The following DUSP16 variants were observed in gnomAD, a reference collection of about 807,000 sequenced individuals.
DUSP16 encodes the protein dual specificity phosphatase 16.
DUSP16 carries 21 observed loss-of-function variants against 58.3 expected under a neutral mutation model. The observed-to-expected ratio is 0.36, with a 90% CI of 0.26 to 0.52. The LOEUF is 0.52. Ranked by LOEUF, DUSP16 falls within the 20% of genes least tolerant of loss-of-function variation. DUSP16 has a pLI of 0.94. For missense variants in DUSP16, 726 were observed against 819.0 expected, an observed-to-expected ratio of 0.89 and a Z score of 1.39; for synonymous variants, 320 against 323.8, an observed-to-expected ratio of 0.99 and a Z score of 0.12.
intron 4 of DUSP16, among the ~76,000 whole-genome samples, chr12:12,494,378 T>A (rs1943800769): frequency 6.6e-6 from 1 of 152,200 alleles, no homozygotes; most frequent in Non-Finnish European, 1.5e-5. Context: ...ACCAAGGGCT[T>A]ACTATGCATC....
intron 1 of DUSP16, among the ~76,000 whole-genome samples, chr12:12,537,696 T>C (rs897658976): frequency 6.6e-6 from 1 of 152,216 alleles, no homozygotes; most frequent in African/African-American, 2.4e-5. Context: ...GGACAGATTA[T>C]GAAATACATT....
chr12:12,515,824 AG>A (rs1442432341), intron 3 of DUSP16, among the ~76,000 whole-genome samples: 10 of 151,050 alleles, frequency 6.6e-5, no homozygotes, highest in Admixed American at 6.6e-4. Flanking sequence ...TGCCTACACC[AG>A]GGTGCAGTGA....
intron 3 of DUSP16, among the ~76,000 whole-genome samples, chr12:12,512,565 G>C (rs1210254024): frequency 6.6e-6 from 1 of 152,152 alleles, no homozygotes; most frequent in Non-Finnish European, 1.5e-5. Flanking sequence ...GTGATACCAT[G>C]CAGTATTTGT....
At chr12:12,486,995 C>A (rs745348632) in intron 5 of DUSP16, 33 bp downstream of exon 5, 23 of 1,611,276 alleles carry the variant, frequency 1.4e-5, no homozygotes, top group Non-Finnish European at 1.9e-5. Context: ...GACGATCACC[C>A]ACAGGACCTG....
chr12:12,539,256 T>C (rs1944515046), intron 1 of DUSP16, among the ~76,000 whole-genome samples: 1 of 152,230 alleles, frequency 6.6e-6, no homozygotes, highest in African/African-American at 2.4e-5. Flanking sequence ...CTGAATATTT[T>C]ATTATGTAAG....
At chr12:12,532,138 C>T (rs181955205) in intron 1 of DUSP16, among the ~76,000 whole-genome samples, 1 of 151,904 alleles carries the variant, frequency 6.6e-6, no homozygotes. Flanking sequence ...GCAGTCCGGC[C>T]TGGGCGACAG....
intron 1 of DUSP16, among the ~76,000 whole-genome samples, chr12:12,540,008 T>G (rs566351699): frequency 1.3e-3 from 190 of 151,790 alleles, no homozygotes; most frequent in African/African-American, 4.3e-3. Context: ...TGAGCCAAGA[T>G]CGCACCACTG....
chr12:12,501,590 T>G (rs1284177696), intron 3 of DUSP16, among the ~76,000 whole-genome samples: 1 of 152,204 alleles, frequency 6.6e-6, no homozygotes, highest in Non-Finnish European at 1.5e-5. Context: ...ACCAAACAGA[T>G]TCTGATAAAT....
intron 1 of DUSP16, among the ~76,000 whole-genome samples, chr12:12,560,217 T>C (rs888008947): frequency 1.3e-5 from 2 of 152,064 alleles, no homozygotes; most frequent in East Asian, 1.9e-4. Context: ...GTTGCTGATA[T>C]AGCAGAGGTT....
intron 4 of DUSP16, among the ~76,000 whole-genome samples, chr12:12,489,364 A>G (rs1943729988): frequency 6.6e-6 from 1 of 152,212 alleles, no homozygotes; most frequent in Admixed American, 6.5e-5. Flanking sequence ...TGTGAACCCA[A>G]GGTGAGTTTA....
At chr12:12,512,078 G>A (rs1944086528) in intron 3 of DUSP16, among the ~76,000 whole-genome samples, 1 of 152,152 alleles carries the variant, frequency 6.6e-6, no homozygotes, top group South Asian at 2.1e-4. Flanking sequence ...AGACATGACT[G>A]ACTCTCCACA....
chr12:12,523,592 TAGCATAGCTTTATGGTA>T (rs1944264094), intron 1 of DUSP16, among the ~76,000 whole-genome samples: 1 of 152,254 alleles, frequency 6.6e-6, no homozygotes. Flanking sequence ...GTATTATTTT[TAGCATAGCTTTATGGTA>T]ATGAAGTACA....
chr12:12,539,816 C>G (rs1490710590), intron 1 of DUSP16, among the ~76,000 whole-genome samples: 1 of 151,090 alleles, frequency 6.6e-6, no homozygotes, highest in South Asian at 2.1e-4. Flanking sequence ...TTTGGGAGGC[C>G]GAGGCAGGTG....
At chr12:12,530,043 G>A (rs531068907) in intron 1 of DUSP16, among the ~76,000 whole-genome samples, 12 of 152,232 alleles carry the variant, frequency 7.9e-5, no homozygotes, top group Non-Finnish European at 1.6e-4. Context: ...TGGGATTGCT[G>A]GATTATATGG....
chr12:12,542,191 T>C (rs1196171365), intron 1 of DUSP16, among the ~76,000 whole-genome samples: 1 of 151,960 alleles, frequency 6.6e-6, no homozygotes, highest in Non-Finnish European at 1.5e-5. Context: ...AGCCTGACCA[T>C]GGAGAAATCC....
At chr12:12,489,552 T>C (rs914943285) in intron 4 of DUSP16, among the ~76,000 whole-genome samples, 10 of 152,140 alleles carry the variant, frequency 6.6e-5, no homozygotes, top group African/African-American at 1.9e-4. Flanking sequence ...ATATGTTAAA[T>C]TAAAAGTAAA....
chr12:12,500,489 A>G, intron 4 of DUSP16, 30 bp downstream of exon 4: 1 of 1,582,502 alleles, frequency 6.3e-7, no homozygotes, highest in Non-Finnish European at 8.6e-7. Context: ...ATATAAACCC[A>G]GCAATGAAGG....
At position 12,558,288 on chromosome 12, in the gene DUSP16, G is replaced by A. The variant is rs559230261; in HGVS notation, c.-366+3829C>T. Among the ~76,000 whole-genome samples, 3 of 152,072 alleles carry A rather than the reference G, an allele frequency of 2.0e-5. No homozygotes were observed. The East Asian group carries it at 5.8e-4, about 29-fold the overall frequency. On this transcript the variant is annotated intron_variant, in intron 1 of 6. Transcript: ENST00000298573. ...TCAAAATAGGCCATGATATTACAGC[G>A]AATCCCTCTTTTTATTTCTGACAAT...
At chr12:12,509,897 C>T (rs1333147514) in intron 3 of DUSP16, among the ~76,000 whole-genome samples, 2 of 152,002 alleles carry the variant, frequency 1.3e-5, no homozygotes, top group Admixed American at 1.3e-4. Context: ...GACCACAATG[C>T]CCCAGAAGAC....
Sources: gnomAD v4.1 joint callset for allele counts (sites outside exome capture counted in the v4.1 genomes callset) on GRCh38, gnomAD v4.1.1 for gene constraint, MANE v1.5 for transcripts, NCBI Gene and HGNC (gene_info 2026-07-23, HGNC 2026-07-21) for gene names.